Variants in ANXA4 observed in about 807,000 individuals in gnomAD.
The protein encoded by ANXA4 is 35-beta calcimedin.
A neutral mutation model predicts 49.8 loss-of-function variants in ANXA4; 39 were observed. That is an observed-to-expected ratio of 0.78 (90% CI 0.61 to 1.02). The LOEUF (loss-of-function observed/expected upper bound fraction) is 1.02. ANXA4 is among the 50% of genes least tolerant of loss of function. ANXA4 has a pLI of 0.00. For missense variants in ANXA4, 360 were observed against 410.1 expected, an observed-to-expected ratio of 0.88 and a Z score of 1.05; for synonymous variants, 134 against 152.5, an observed-to-expected ratio of 0.88 and a Z score of 0.89.
intron 1 of ANXA4, among the ~76,000 whole-genome samples, chr2:69,758,935 C>A (rs937416077): frequency 1.3e-5 from 2 of 151,980 alleles, no homozygotes; most frequent in Non-Finnish European, 2.9e-5. Flanking sequence ...TAGTTCAAGA[C>A]CCGTCTTGGC....
At chr2:69,720,298 G>A (rs1274576649) in intron 2 of ANXA4, among the ~76,000 whole-genome samples, 4 of 152,240 alleles carry the variant, frequency 2.6e-5, no homozygotes, top group South Asian at 2.1e-4. Context: ...AAATCCCCCC[G>A]GTCCCTCCTC....
intron 3 of ANXA4, among the ~76,000 whole-genome samples, chr2:69,794,173 G>A (rs1672819881): frequency 1.3e-5 from 2 of 152,236 alleles, no homozygotes; most frequent in African/African-American, 4.8e-5. Context: ...CCCTTTAGCA[G>A]CAAAGCTTGG....
intron 2 of ANXA4, among the ~76,000 whole-genome samples, chr2:69,661,290 T>C (rs964835355): frequency 1.1e-4 from 16 of 150,844 alleles, no homozygotes; most frequent in African/African-American, 3.9e-4. Context: ...CTAAAATTTG[T>C]ATTTCAGAAA....
upstream of ANXA4, chr2:69,643,999 G>A (rs1375834338): frequency 5.2e-6 from 3 of 573,628 alleles, no homozygotes; most frequent in Non-Finnish European, 6.9e-6. Context: ...AAGGTAGCTC[G>A]GCACAGTCCG....
In ANXA4 at chr2:69,785,805, C is replaced by T. The variant is rs576933620; in HGVS notation, c.10-2249C>T. On this transcript the variant is annotated intron_variant, in intron 2 of 12. Transcript: ENST00000394295. ...TTAGACCAAGCGCCAACTACTCCCT[C>T]CTTCCTCAGCCTCTGGACAGTGCTC... Among the ~76,000 whole-genome samples the T allele has an allele frequency of 6.6e-5, 10 of 152,310 alleles. No homozygotes were observed. The South Asian group carries it at 2.1e-3, about 32-fold the overall frequency.
intron 3 of ANXA4, among the ~76,000 whole-genome samples, chr2:69,732,145 T>C (rs1670120693): frequency 6.6e-6 from 1 of 151,554 alleles, no homozygotes; most frequent in Non-Finnish European, 1.5e-5. Context: ...GCCCGGCTAA[T>C]TTTTTGTATT....
chr2:69,712,889 C>A (rs985290245), intron 2 of ANXA4, among the ~76,000 whole-genome samples: 1 of 152,192 alleles, frequency 6.6e-6, no homozygotes, highest in African/African-American at 2.4e-5. Flanking sequence ...TGGACGCCTA[C>A]CACCATTCAT....
chr2:69,715,311 G>C (rs1184109194), intron 2 of ANXA4, among the ~76,000 whole-genome samples: 1 of 152,170 alleles, frequency 6.6e-6, no homozygotes, highest in Non-Finnish European at 1.5e-5. Flanking sequence ...CTGGGTTCAA[G>C]CGATTCTCAC....
At chr2:69,746,653 G>A (rs1156888279) in intron 1 of ANXA4, among the ~76,000 whole-genome samples, 1 of 152,214 alleles carries the variant, frequency 6.6e-6, no homozygotes, top group East Asian at 1.9e-4. Flanking sequence ...GATTCAAGTT[G>A]TTTGATGTCA....
chr2:69,668,237 G>A (rs1431457738), intron 2 of ANXA4, among the ~76,000 whole-genome samples: 2 of 152,192 alleles, frequency 1.3e-5, no homozygotes, highest in African/African-American at 2.4e-5. Context: ...TCCCCTCCAA[G>A]TGAAATTTTT....
rs189130152 is a variant in ANXA4, at chr2:69,770,828, A to G, written c.-46-10692A>G. Reference sequence around the variant, plus strand: ...TACAGTGCCAGGCATGGTGGTTCACACCTGTAATCCCAGCACGTTGGGAGG... The same window carrying G: ...TACAGTGCCAGGCATGGTGGTTCACGCCTGTAATCCCAGCACGTTGGGAGG... On this transcript the variant is annotated intron_variant, in intron 1 of 12. Transcript: ENST00000394295. Among the ~76,000 whole-genome samples, 329 of 152,028 alleles carry G rather than the reference A, an allele frequency of 2.2e-3. 3 individuals are homozygous for G. In the South Asian group the frequency reaches 0.026, roughly 12 times the overall value.
At chr2:69,648,713 C>T (rs1056642747) in intron 1 of ANXA4, among the ~76,000 whole-genome samples, 6 of 148,104 alleles carry the variant, frequency 4.1e-5, no homozygotes, top group African/African-American at 1.0e-4. Flanking sequence ...AATACCAGCT[C>T]GGGAGGCTGA....
chr2:69,694,624 T>G (rs900580494), intron 2 of ANXA4, among the ~76,000 whole-genome samples: 1 of 148,998 alleles, frequency 6.7e-6, no homozygotes, highest in Non-Finnish European at 1.5e-5. Flanking sequence ...ACATGTGGTG[T>G]TTGGTTTTTT....
At chr2:69,816,003 A>C (rs1053860455) in intron 8 of ANXA4, 98 bp from the exon 9 acceptor site, 7 of 939,100 alleles carry the variant, frequency 7.5e-6, no homozygotes, top group African/African-American at 4.9e-5. Flanking sequence ...AACAAAATAA[A>C]ACTAAGCCAG....
intron 2 of ANXA4, chr2:69,713,706 G>A (rs1678761747): frequency 6.6e-6 from 1 of 152,308 alleles, no homozygotes; most frequent in Non-Finnish European, 1.5e-5. Context: ...CCTTTGTGGG[G>A]TTCCTCATCC....
At chr2:69,711,957 A>G (rs1678690746) in intron 2 of ANXA4, among the ~76,000 whole-genome samples, 1 of 152,116 alleles carries the variant, frequency 6.6e-6, no homozygotes, top group Non-Finnish European at 1.5e-5. Flanking sequence ...AAGGAGAGCA[A>G]GAAATTGAGA....
chr2:69,724,880 A>AGG (rs1559113729), intron 3 of ANXA4, among the ~76,000 whole-genome samples: 3 of 151,418 alleles, frequency 2.0e-5, no homozygotes, highest in African/African-American at 7.3e-5. Context: ...ATGGAATTTG[A>AGG]GAGGAAGCTG....
intron 3 of ANXA4, among the ~76,000 whole-genome samples, chr2:69,799,041 G>C (rs1673072693): frequency 1.3e-5 from 2 of 152,212 alleles, no homozygotes; most frequent in Non-Finnish European, 2.9e-5. Flanking sequence ...ATGGTCTAGG[G>C]AGGAGGGGCC....
chr2:69,665,556 A>G (rs1486759449), intron 2 of ANXA4, among the ~76,000 whole-genome samples: 3 of 152,136 alleles, frequency 2.0e-5, no homozygotes, highest in South Asian at 2.1e-4. Flanking sequence ...AGCAATAGAC[A>G]AGCAGAACAT....
Sources: gnomAD v4.1 joint callset for allele counts (sites outside exome capture counted in the v4.1 genomes callset) on GRCh38, gnomAD v4.1.1 for gene constraint, MANE v1.5 for transcripts, NCBI Gene and HGNC (gene_info 2026-07-23, HGNC 2026-07-21) for gene names.